TLN2: variants seen among roughly 807,000 people sequenced by gnomAD.
TLN2 encodes the protein talin 2, also known as talin-2.
In TLN2, 118 loss-of-function variants were observed where a neutral mutation model predicts 294.7. That is an observed-to-expected ratio of 0.40 (90% confidence interval 0.34 to 0.47). The LOEUF is 0.47. Among genes scored for constraint, TLN2 ranks in the 20% least tolerant of loss-of-function variants. The probability of loss-of-function intolerance (pLI) is 0.84; values close to 1 mark genes in which losing one functional copy is unlikely to be tolerated. For synonymous variants in TLN2, 1,431 were observed against 1,304.5 expected (o/e 1.10, Z -2.09); for missense variants, 3,083 against 3,282.2 (o/e 0.94, Z 1.48).
chr15:62,432,288 G>C (rs538969745), intron 1 of TLN2, among the ~76,000 whole-genome samples: 1 of 152,156 alleles, frequency 6.6e-6, no homozygotes, highest in Non-Finnish European at 1.5e-5. Context: ...ACCTGAGGCT[G>C]GGCAATTTTC....
At chr15:62,722,238 CT>C (rs569768555) in intron 25 of TLN2, 114 bp from the exon 26 acceptor site, 94 of 1,246,458 alleles carry the variant, frequency 7.5e-5, no homozygotes, top group Middle Eastern at 2.7e-4. Flanking sequence ...TTTAATATTC[CT>C]TTTTTTTAGG....
rs373309399 is a variant in TLN2, at chr15:62,650,217, T to A, written c.234+36T>A. The A allele has an allele frequency of 2.1e-5, 34 of 1,605,686 alleles. No individual in the cohort carries two copies. The African/African-American group carries it at 2.4e-4, about 11-fold the overall frequency. On this transcript the variant is annotated intron_variant, in intron 5 of 58. Transcript: ENST00000636159. ...AATCCCAGTGCTGTTTCTTCATCCC[T>A]TTGTCCCTGGGCCTTCTTCCATAGA...
At chr15:62,740,434 T>C in intron 31 of TLN2, 196 bp from the exon 32 acceptor site, 1 of 633,174 alleles carries the variant, frequency 1.6e-6, no homozygotes, top group Middle Eastern at 4.4e-4. Context: ...GCATGCATCT[T>C]GATCTGAGCA....
intron 1 of TLN2, among the ~76,000 whole-genome samples, chr15:62,542,509 C>T (rs1244408628): frequency 1.3e-5 from 2 of 152,074 alleles, no homozygotes; most frequent in African/African-American, 4.8e-5. Context: ...ATTTTCAGAC[C>T]ACAATTGACT....
At chr15:62,753,719 A>G in intron 35 of TLN2, 54 bp from the exon 36 acceptor site, 1 of 1,542,970 alleles carries the variant, frequency 6.5e-7, no homozygotes, top group Non-Finnish European at 8.7e-7. Flanking sequence ...CATCCCCAGC[A>G]GGCTCACCTA....
At chr15:62,789,053 C>G (rs754353224) in intron 45 of TLN2, among the ~76,000 whole-genome samples, 2 of 152,174 alleles carry the variant, frequency 1.3e-5, no homozygotes, top group Non-Finnish European at 2.9e-5. Context: ...GGCTGGGAAT[C>G]CTGAGATCCC....
At chr15:62,654,754 CAAAAAAAAAAAAAAAAAA>C (rs59006343) in intron 7 of TLN2, among the ~76,000 whole-genome samples, 4 of 33,858 alleles carry the variant, frequency 1.2e-4, no homozygotes, top group Admixed American at 5.2e-4. Flanking sequence ...GACTCTGCCT[CAAAAAAAAAAAAAAAAAA>C]AAAAAAAAAA....
chr15:62,836,326 C>G (rs564062637), intron 57 of TLN2, among the ~76,000 whole-genome samples: 5 of 152,232 alleles, frequency 3.3e-5, no homozygotes, highest in Admixed American at 6.5e-5. Context: ...CCAGCAGACC[C>G]CTACTTGTCC....
rs146693333 is a variant in TLN2, at chr15:62,405,307, C to T, written c.-238+14622C>T. 7.4e-3 allele frequency among the ~76,000 whole-genome samples: 1,125 copies of T among 152,198 alleles called. 11 individuals carry two copies. Among genetic ancestry groups the T allele is most frequent in the African/African-American group, 0.026 (1,080 of 41,534 alleles). On this transcript the variant is annotated intron_variant, in intron 1 of 58. Coordinates refer to ENST00000636159, the MANE Select transcript of TLN2 (RefSeq NM_015059.3). Reference sequence around the variant, plus strand: ...CCTAGGGAGGATCCTAGGAGGGTTTCCTATAGAGGGTGAAGGCAGCCAGGG... The same window carrying T: ...CCTAGGGAGGATCCTAGGAGGGTTTTCTATAGAGGGTGAAGGCAGCCAGGG...
At chr15:62,411,310 T>C (rs1230394192) in intron 1 of TLN2, among the ~76,000 whole-genome samples, 1 of 152,080 alleles carries the variant, frequency 6.6e-6, no homozygotes, top group East Asian at 1.9e-4. Context: ...GTGTATATCA[T>C]CCCCAAGTAA....
In TLN2 at chr15:62,792,681, A is replaced by G; in HGVS notation, c.5777A>G (p.His1926Arg). ...QIRTRVQDLG[H>R]GCIFLVQKAG... is the part of the protein sequence containing the mutation. ...CGCACTCGTGTGCAGGACCTGGGCC[A>G]CGGCTGTATCTTCCTGGTGCAGAAG... The change falls in exon 46 of 59, where the codon CAC (histidine) becomes CGC (arginine). Residue 1926 changes from histidine (H) to arginine (R), a missense_variant. Physicochemically the swap from His to Arg is conservative, Grantham distance 29. Transcript: ENST00000636159. 6.2e-7 allele frequency: 1 copy of G among 1,613,918 alleles called. No individual in the cohort carries two copies. Among genetic ancestry groups the G allele is most frequent in the Non-Finnish European group, 8.5e-7 (1 of 1,180,034 alleles).
At chr15:62,674,752 T>C (rs1369777546) in intron 10 of TLN2, among the ~76,000 whole-genome samples, 1 of 152,182 alleles carries the variant, frequency 6.6e-6, no homozygotes, top group African/African-American at 2.4e-5. Flanking sequence ...TCTAGCCACC[T>C]TGGCCTCCCA....
chr15:62,590,036 A>T (rs918753994), intron 2 of TLN2, among the ~76,000 whole-genome samples: 1 of 152,050 alleles, frequency 6.6e-6, no homozygotes, highest in Non-Finnish European at 1.5e-5. Context: ...TTTTAATCAT[A>T]TTGGACCTTA....
At chr15:62,459,500 G>GA (rs972565911) in intron 1 of TLN2, among the ~76,000 whole-genome samples, 2 of 152,002 alleles carry the variant, frequency 1.3e-5, no homozygotes, top group Non-Finnish European at 1.5e-5. Flanking sequence ...TATGATAGAG[G>GA]AAAATTTACT....
chr15:62,742,848 G>C (rs2061417585), intron 32 of TLN2, among the ~76,000 whole-genome samples: 1 of 152,156 alleles, frequency 6.6e-6, no homozygotes. Context: ...TCTCAGCAGA[G>C]ACTCCAGCCA....
chr15:62,655,068 GT>G (rs376649589), intron 7 of TLN2, among the ~76,000 whole-genome samples: 76 of 146,914 alleles, frequency 5.2e-4, no homozygotes, highest in African/African-American at 1.3e-3. Context: ...CCCTTTCTGT[GT>G]TTTTTTTTTC....
intron 32 of TLN2, among the ~76,000 whole-genome samples, chr15:62,743,151 AAG>A (rs1339940209): frequency 6.6e-6 from 1 of 152,108 alleles, no homozygotes; most frequent in African/African-American, 2.4e-5. Context: ...TCCTGCATAA[AAG>A]TGCACAGGAA....
chr15:62,755,223 T>A, intron 36 of TLN2: 1 of 266,672 alleles, frequency 3.7e-6, no homozygotes, highest in Admixed American at 5.0e-5. Flanking sequence ...CTAGATGCTA[T>A]ACCCTGGACC....
intron 1 of TLN2, among the ~76,000 whole-genome samples, chr15:62,517,884 C>G (rs533071945): frequency 6.6e-6 from 1 of 152,130 alleles, no homozygotes; most frequent in East Asian, 1.9e-4. Flanking sequence ...CTTAAATATC[C>G]CTGGACATAT....
Sources: allele counts gnomAD v4.1 joint callset (sites outside exome capture counted in the v4.1 genomes callset), GRCh38; gene constraint gnomAD v4.1.1; transcripts MANE v1.5; gene names NCBI Gene and HGNC (gene_info 2026-07-23, HGNC 2026-07-21).